The following TENM4 variants were observed in gnomAD, a reference collection of about 807,000 sequenced individuals.
TENM4 encodes the protein teneurin transmembrane protein 4, also known as teneurin-4.
A neutral mutation model predicts 243.3 loss-of-function variants in TENM4; 82 were observed. That is an observed-to-expected ratio of 0.34 (90% confidence interval 0.28 to 0.40). The LOEUF (loss-of-function observed/expected upper bound fraction) is 0.40. Ranked by LOEUF, TENM4 falls within the 10% of genes least tolerant of loss-of-function variation. The probability of loss-of-function intolerance (pLI) is 1.00; values close to 1 mark genes in which losing one functional copy is unlikely to be tolerated. For missense variants in TENM4, 3,138 were observed against 3,673.3 expected (o/e 0.85, Z 3.77); for synonymous variants, 1,412 against 1,456.3 (o/e 0.97, Z 0.69).
chr11:79,067,656 T>TA (rs1860297803), intron 5 of TENM4, among the ~76,000 whole-genome samples: 1 of 149,708 alleles, frequency 6.7e-6, no homozygotes, highest in Non-Finnish European at 1.5e-5. Context: ...AAATGCAAGG[T>TA]AAGGGCTCAC....
chr11:78,712,780 C>A, intron 25 of TENM4, 66 bp from the exon 26 acceptor site: 3 of 1,430,048 alleles, frequency 2.1e-6, no homozygotes, highest in South Asian at 2.4e-5. Flanking sequence ...TGGAGATGTA[C>A]AGATGAACCC....
At chr11:79,373,615 A>C (rs960686309) in intron 1 of TENM4, among the ~76,000 whole-genome samples, 3 of 152,168 alleles carry the variant, frequency 2.0e-5, no homozygotes, top group African/African-American at 7.2e-5. Flanking sequence ...AAGAAGAAGG[A>C]GGTCGAAAGA....
intron 9 of TENM4, among the ~76,000 whole-genome samples, chr11:78,865,020 G>A (rs1218568682): frequency 6.6e-6 from 1 of 152,192 alleles, no homozygotes; most frequent in Admixed American, 6.5e-5. Context: ...CTGTGTGACA[G>A]GCAGTATGTG....
chr11:78,764,530 AT>A (rs1250867799), intron 18 of TENM4, among the ~76,000 whole-genome samples: 2 of 152,192 alleles, frequency 1.3e-5, no homozygotes, highest in Middle Eastern at 3.2e-3. Flanking sequence ...AAATGCATGC[AT>A]TTTTTTATGT....
At chr11:79,057,482 C>T (rs1199755802) in intron 6 of TENM4, among the ~76,000 whole-genome samples, 1 of 152,192 alleles carries the variant, frequency 6.6e-6, no homozygotes, top group Non-Finnish European at 1.5e-5. Context: ...GTGAAGCCTT[C>T]TCTGGCTACC....
At chr11:79,276,199 CA>C (rs2135354205) in intron 2 of TENM4, among the ~76,000 whole-genome samples, 2 of 152,326 alleles carry the variant, frequency 1.3e-5, no homozygotes, top group South Asian at 4.1e-4. Context: ...CATTCAGCCC[CA>C]AAGCTGTTGC....
chr11:79,004,443 A>G (rs374933334), intron 6 of TENM4, among the ~76,000 whole-genome samples: 1 of 152,234 alleles, frequency 6.6e-6, no homozygotes, highest in East Asian at 1.9e-4. Flanking sequence ...ATAAAAATAG[A>G]AATCAATACT....
In TENM4 at chr11:79,169,636, C is replaced by T. The variant is rs1238799535; in HGVS notation, c.-162-20830G>A. On this transcript the variant is annotated intron_variant, in intron 3 of 33. Coordinates refer to ENST00000278550, the MANE Select transcript of TENM4 (RefSeq NM_001098816.3). ...GTGTCAGACTGTGTGATGTGACCCC[C>T]TCCCCCCAAAAAATGATGAGACCAA... Among the ~76,000 whole-genome samples, 4 of 152,282 alleles carry T rather than the reference C, an allele frequency of 2.6e-5. No homozygotes were observed. In the East Asian group the frequency reaches 5.8e-4, roughly 22 times the overall value.
At chr11:78,915,446 A>G (rs1179913689) in intron 6 of TENM4, among the ~76,000 whole-genome samples, 2 of 152,066 alleles carry the variant, frequency 1.3e-5, no homozygotes, top group Non-Finnish European at 2.9e-5. Flanking sequence ...GGTACCAGGT[A>G]GGTTCCCATC....
At chr11:78,832,661 A>C (rs1044056987) in intron 12 of TENM4, among the ~76,000 whole-genome samples, 1 of 152,240 alleles carries the variant, frequency 6.6e-6, no homozygotes, top group Non-Finnish European at 1.5e-5. Context: ...AACACTTTGC[A>C]TGTGTTAACT....
intron 9 of TENM4, among the ~76,000 whole-genome samples, chr11:78,867,585 T>C (rs1012927708): frequency 8.5e-5 from 13 of 152,218 alleles, no homozygotes; most frequent in African/African-American, 3.1e-4. Context: ...GCCCATGAAA[T>C]ACATATGATC....
Position 78,903,477 on chromosome 11 carries a change from C to T in TENM4, c.540G>A (p.Pro180=). 2 of 1,547,446 alleles carry T rather than the reference C, an allele frequency of 1.3e-6. No homozygotes were observed. The highest frequency in any genetic ancestry group is 1.7e-6 in the Non-Finnish European group (2 of 1,145,908). ...GGGTGTGGGCGTGCGAGAGCGGCGG[C>T]GGCGGCGTCCGGAGCCGCGCGTGGT... ...LQNHARLRTP[P]PPLSHAHTPN... The change falls in exon 7 of 34, where the codon CCG becomes CCA. Residue 180 remains proline, a synonymous_variant. Coordinates refer to ENST00000278550, the MANE Select transcript of TENM4 (RefSeq NM_001098816.3).
chr11:79,103,708 A>T (rs1482855602), intron 4 of TENM4, among the ~76,000 whole-genome samples: 1 of 152,180 alleles, frequency 6.6e-6, no homozygotes, highest in Non-Finnish European at 1.5e-5. Context: ...TAAAGAAAAA[A>T]ATTGCTGAAA....
In TENM4 at chr11:78,903,471, C is replaced by T; in HGVS notation, c.546G>A (p.Pro182=). ...GGTTGGGGGTGTGGGCGTGCGAGAGCGGCGGCGGCGGCGTCCGGAGCCGCG... is the reference window on the plus strand; with the variant it reads ...GGTTGGGGGTGTGGGCGTGCGAGAGTGGCGGCGGCGGCGTCCGGAGCCGCG... The part of the protein sequence containing the change: ...NHARLRTPPP[P]LSHAHTPNQH... Residue 182 remains proline, a synonymous_variant, in exon 7 of 34, where the codon CCG becomes CCA. Transcript: ENST00000278550. 5 of 1,542,974 alleles carry T rather than the reference C, an allele frequency of 3.2e-6. No homozygotes were observed. The South Asian group carries it at 6.0e-5, about 18-fold the overall frequency.
At chr11:79,270,974 G>C (rs1210612148) in intron 2 of TENM4, among the ~76,000 whole-genome samples, 1 of 152,180 alleles carries the variant, frequency 6.6e-6, no homozygotes, top group Middle Eastern at 3.2e-3. Flanking sequence ...CATCACAAAA[G>C]ACTGAAGAAA....
chr11:78,835,699 G>A (rs900671866), intron 12 of TENM4, among the ~76,000 whole-genome samples: 4 of 152,042 alleles, frequency 2.6e-5, no homozygotes, highest in Non-Finnish European at 5.9e-5. Context: ...ATTTTTTGAG[G>A]TCTCAGCTTA....
chr11:78,949,521 T>C (rs1857071601), intron 6 of TENM4, among the ~76,000 whole-genome samples: 1 of 152,226 alleles, frequency 6.6e-6, no homozygotes, highest in Admixed American at 6.5e-5. Flanking sequence ...AATCCTAATA[T>C]TAGAAGTTAT....
At chr11:79,282,213 T>A (rs1435515420) in intron 2 of TENM4, among the ~76,000 whole-genome samples, 4 of 152,224 alleles carry the variant, frequency 2.6e-5, no homozygotes, top group Non-Finnish European at 5.9e-5. Context: ...TGTGGCCCCC[T>A]TTATGCCTAC....
rs1857313454 is a variant in TENM4, at chr11:78,961,231, C to T, written c.494-57708G>A. Among the ~76,000 whole-genome samples, 2 of 152,200 alleles carry T rather than the reference C, an allele frequency of 1.3e-5. 1 individual carries two copies. ...AGTGTTATTTGTGGGGAAACAGTTTCATTTCCTCTCTTCTCCAAACATCAG... is the reference window on the plus strand; with the variant it reads ...AGTGTTATTTGTGGGGAAACAGTTTTATTTCCTCTCTTCTCCAAACATCAG... On this transcript the variant is annotated intron_variant, in intron 6 of 33. Coordinates refer to ENST00000278550, the MANE Select transcript of TENM4 (RefSeq NM_001098816.3).
Sources: gnomAD v4.1 joint callset for allele counts (sites outside exome capture counted in the v4.1 genomes callset) on GRCh38, gnomAD v4.1.1 for gene constraint, MANE v1.5 for transcripts, NCBI Gene and HGNC (gene_info 2026-07-23, HGNC 2026-07-21) for gene names.